STK39: variants seen among roughly 807,000 people sequenced by gnomAD.
STK39 encodes the protein serine/threonine kinase 39.
Under a neutral mutation model 77.8 loss-of-function variants are expected in STK39, and 20 were observed. That is an observed-to-expected ratio of 0.26 (90% confidence interval 0.18 to 0.37). The LOEUF (loss-of-function observed/expected upper bound fraction) is 0.37. Among genes scored for constraint, STK39 ranks in the 10% least tolerant of loss-of-function variants. The pLI is 1.00. For synonymous variants in STK39, 246 were observed against 234.1 expected, an observed-to-expected ratio of 1.05 and a Z score of -0.47; for missense variants, 479 against 656.5, an observed-to-expected ratio of 0.73 and a Z score of 2.95.
chr2:168,148,233 A>T (rs1980185), intron 5 of STK39, among the ~76,000 whole-genome samples: 36,895 of 152,092 alleles, frequency 0.24, 6,286 homozygotes, highest in African/African-American at 0.46. Context: ...GGATACTAAT[A>T]CTTCTGTTTG....
At chr2:168,091,205 C>T (rs2105433896) in intron 10 of STK39, among the ~76,000 whole-genome samples, 1 of 151,808 alleles carries the variant, frequency 6.6e-6, no homozygotes, top group South Asian at 2.1e-4. Flanking sequence ...CAGACTTAAA[C>T]TCTGGTTTGA....
At chr2:168,042,726 C>A (rs1685140358) in intron 14 of STK39, among the ~76,000 whole-genome samples, 2 of 151,934 alleles carry the variant, frequency 1.3e-5, no homozygotes, top group Admixed American at 1.3e-4. Flanking sequence ...ATTACAGGCG[C>A]CTGCCACCAT....
At chr2:168,145,763 T>G (rs918295924) in intron 5 of STK39, among the ~76,000 whole-genome samples, 3 of 152,106 alleles carry the variant, frequency 2.0e-5, no homozygotes, top group Admixed American at 1.3e-4. Flanking sequence ...GAATGTCCAG[T>G]GCTGGGGGGG....
intron 1 of STK39, among the ~76,000 whole-genome samples, chr2:168,235,541 C>T (rs549119676): frequency 2.6e-4 from 39 of 151,328 alleles, no homozygotes; most frequent in African/African-American, 8.3e-4. Flanking sequence ...TGGTGTGCTG[C>T]GCCCAGTAAC....
intron 16 of STK39, among the ~76,000 whole-genome samples, chr2:168,005,414 AG>A (rs1386465770): frequency 1.2e-4 from 16 of 128,290 alleles, no homozygotes; most frequent in Non-Finnish European, 2.1e-4. Flanking sequence ...AAACGCAGAG[AG>A]GAAAAAAAAA....
At chr2:168,000,736 G>T (rs976860105) in intron 16 of STK39, among the ~76,000 whole-genome samples, 1 of 152,146 alleles carries the variant, frequency 6.6e-6, no homozygotes, top group African/African-American at 2.4e-5. Flanking sequence ...CTGACAGCAC[G>T]ATCTTGACCC....
rs115671573 is a variant in STK39 at position 168,045,818 on chromosome 2, C to T, written c.1376+17682G>A. The stretch of plus-strand genomic sequence containing the variant: ...GCCCCAACCACGACATCTGACTCCT[C>T]CAACTCCTATCTTTATAAAGAAAAT... On this transcript the variant is annotated intron_variant, in intron 14 of 17. Coordinates refer to ENST00000355999, the MANE Select transcript of STK39 (RefSeq NM_013233.3). Among the ~76,000 whole-genome samples the T allele has an allele frequency of 3.2e-3, 492 of 152,290 alleles. 6 individuals are homozygous for T. The highest frequency in any genetic ancestry group is 0.011 in the African/African-American group (454 of 41,560).
intron 14 of STK39, among the ~76,000 whole-genome samples, chr2:168,048,948 A>G (rs567181550): frequency 7.2e-5 from 11 of 152,360 alleles, no homozygotes; most frequent in African/African-American, 2.4e-4. Flanking sequence ...CTAATGCATC[A>G]TCTGGCAAAT....
intron 12 of STK39, among the ~76,000 whole-genome samples, chr2:168,066,648 G>A (rs1685801801): frequency 6.6e-6 from 1 of 152,210 alleles, no homozygotes; most frequent in South Asian, 2.1e-4. Context: ...CATTTACTAA[G>A]AGGTGAAAAC....
chr2:167,987,184 A>G (rs1322626034), intron 16 of STK39, among the ~76,000 whole-genome samples: 1 of 152,194 alleles, frequency 6.6e-6, no homozygotes, highest in Non-Finnish European at 1.5e-5. Flanking sequence ...ACGAGCAAAG[A>G]CAATGCAGTG....
In STK39 at chr2:168,188,523, C is replaced by T. The variant is rs145104380; in HGVS notation, c.209-6433G>A. 3.5e-3 allele frequency among the ~76,000 whole-genome samples: 533 copies of T among 152,322 alleles called. 2 individuals are homozygous for T. The highest frequency in any genetic ancestry group is 0.012 in the African/African-American group (504 of 41,574). The stretch of plus-strand genomic sequence containing the variant: ...GCCTGAGTGTGTTACTGCTATTCGC[C>T]TTCAAAGGTACACCCTTCCTTACTT... On this transcript the variant is annotated intron_variant, in intron 1 of 17. Transcript: ENST00000355999.
At chr2:168,177,391 G>A (rs1208137140) in intron 2 of STK39, among the ~76,000 whole-genome samples, 2 of 152,068 alleles carry the variant, frequency 1.3e-5, no homozygotes, top group Non-Finnish European at 2.9e-5. Context: ...TTCTGTGAAT[G>A]GGTACCAAAG....
At chr2:168,048,584 G>A (rs1685312565) in intron 14 of STK39, among the ~76,000 whole-genome samples, 1 of 152,074 alleles carries the variant, frequency 6.6e-6, no homozygotes, top group Non-Finnish European at 1.5e-5. Context: ...ACCAAACTGG[G>A]CCACTTCTAA....
At chr2:167,979,317 T>C (rs1308601875) in intron 16 of STK39, among the ~76,000 whole-genome samples, 1 of 152,228 alleles carries the variant, frequency 6.6e-6, no homozygotes, top group Non-Finnish European at 1.5e-5. Flanking sequence ...GTTCTATACA[T>C]TAGAACTTAC....
chr2:168,135,157 AT>A (rs3835854), intron 8 of STK39, among the ~76,000 whole-genome samples: 70,101 of 151,832 alleles, frequency 0.46, 16,153 homozygotes, highest in South Asian at 0.54. Context: ...GGGTGTGTAA[AT>A]CAATAAGAGT....
intron 5 of STK39, among the ~76,000 whole-genome samples, chr2:168,159,346 G>T (rs1281534698): frequency 6.6e-6 from 1 of 152,070 alleles, no homozygotes; most frequent in Non-Finnish European, 1.5e-5. Context: ...CCGTTGCTGA[G>T]TCTCCACATT....
intron 17 of STK39, among the ~76,000 whole-genome samples, chr2:167,956,667 G>GACACAC (rs762455680): frequency 0.1 from 4,989 of 47,592 alleles, 534 homozygotes; most frequent in Non-Finnish European, 0.12. Flanking sequence ...CTTGCTTTTA[G>GACACAC]ACACACACAC....
intron 14 of STK39, among the ~76,000 whole-genome samples, chr2:168,061,802 G>C (rs1331301001): frequency 6.6e-6 from 1 of 152,092 alleles, no homozygotes; most frequent in African/African-American, 2.4e-5. Flanking sequence ...AAAAATAAGG[G>C]AACACATTTG....
intron 14 of STK39, among the ~76,000 whole-genome samples, chr2:168,050,576 C>T (rs926085015): frequency 1.3e-5 from 2 of 152,074 alleles, no homozygotes; most frequent in African/African-American, 4.8e-5. Context: ...AGAAGCAAGG[C>T]CAGAGAGATG....
Sources: allele counts gnomAD v4.1 joint callset (sites outside exome capture counted in the v4.1 genomes callset), GRCh38; gene constraint gnomAD v4.1.1; transcripts MANE v1.5; gene names NCBI Gene and HGNC (gene_info 2026-07-23, HGNC 2026-07-21).